The following SLIT3 variants were observed in gnomAD, a reference collection of about 807,000 sequenced individuals.
SLIT3 encodes the protein slit homolog 3 protein.
A neutral mutation model predicts 184.0 loss-of-function variants in SLIT3; 68 were observed. The observed-to-expected ratio is 0.37, with a 90% CI of 0.30 to 0.45. SLIT3 has a LOEUF of 0.45. Among genes scored for constraint, SLIT3 ranks in the 20% least tolerant of loss-of-function variants. SLIT3 has a pLI of 1.00. For missense variants in SLIT3, 1,707 were observed against 2,026.0 expected (o/e 0.84, Z 3.02); for synonymous variants, 831 against 828.6 (o/e 1.00, Z -0.05).
chr5:168,791,385 C>T (rs1192372391), intron 10 of SLIT3: 4 of 152,234 alleles, frequency 2.6e-5, no homozygotes, highest in Non-Finnish European at 4.4e-5. Flanking sequence ...TGAGATGCCC[C>T]ACGGTTTGGA....
intron 1 of SLIT3, among the ~76,000 whole-genome samples, chr5:169,267,797 G>A (rs183958654): frequency 2.0e-5 from 3 of 152,276 alleles, no homozygotes; most frequent in Admixed American, 1.3e-4. Context: ...TGTTCTTAAG[G>A]AGACCTTCTT....
At chr5:168,774,872 C>G (rs895016539) in intron 12 of SLIT3, among the ~76,000 whole-genome samples, 6 of 152,168 alleles carry the variant, frequency 3.9e-5, no homozygotes, top group East Asian at 1.9e-4. Flanking sequence ...AAAACTGCAT[C>G]TATGTGTAGG....
intron 5 of SLIT3, among the ~76,000 whole-genome samples, chr5:168,882,767 C>T (rs1041925845): frequency 7.9e-5 from 12 of 152,136 alleles, no homozygotes; most frequent in Non-Finnish European, 1.6e-4. Flanking sequence ...CTCCAACTTC[C>T]TGGGATGTAA....
intron 1 of SLIT3, among the ~76,000 whole-genome samples, chr5:169,273,875 C>A (rs1206283726): frequency 6.6e-6 from 1 of 152,136 alleles, no homozygotes; most frequent in African/African-American, 2.4e-5. Context: ...GCCTAAGAAT[C>A]TTCACATTGA....
At chr5:169,081,291 A>T (rs1434429235) in intron 4 of SLIT3, among the ~76,000 whole-genome samples, 6 of 152,168 alleles carry the variant, frequency 3.9e-5, no homozygotes, top group Admixed American at 3.9e-4. Flanking sequence ...GAGCCTGGGA[A>T]GAGGAGAGGA....
At chr5:168,905,082 C>T (rs1341739365) in intron 4 of SLIT3, among the ~76,000 whole-genome samples, 1 of 152,146 alleles carries the variant, frequency 6.6e-6, no homozygotes, top group Non-Finnish European at 1.5e-5. Context: ...GAGGCTGAGA[C>T]AGGCGAATTG....
intron 26 of SLIT3, among the ~76,000 whole-genome samples, chr5:168,704,056 C>T (rs1183612553): frequency 6.6e-6 from 1 of 151,002 alleles, no homozygotes; most frequent in African/African-American, 2.4e-5. Context: ...TCAAAGCGTG[C>T]TCCTTGGACT....
intron 4 of SLIT3, among the ~76,000 whole-genome samples, chr5:169,127,371 A>G (rs771647922): frequency 4.6e-5 from 7 of 152,212 alleles, no homozygotes; most frequent in Non-Finnish European, 1.0e-4. Flanking sequence ...TGCTAGGCCC[A>G]TGAGGCTCCA....
chr5:169,162,501 G>C (rs1762512131), intron 4 of SLIT3, among the ~76,000 whole-genome samples: 1 of 152,138 alleles, frequency 6.6e-6, no homozygotes, highest in Non-Finnish European at 1.5e-5. Flanking sequence ...AAAGTGCTGT[G>C]CCAGATGCCA....
chr5:169,000,253 A>T (rs1266077407), intron 4 of SLIT3, among the ~76,000 whole-genome samples: 1 of 151,922 alleles, frequency 6.6e-6, no homozygotes, highest in African/African-American at 2.4e-5. Flanking sequence ...TTAGCTGGGC[A>T]TGGTGGTGTG....
chr5:168,952,587 AGAC>A (rs1306973273), intron 4 of SLIT3, among the ~76,000 whole-genome samples: 14 of 147,128 alleles, frequency 9.5e-5, no homozygotes, highest in African/African-American at 2.6e-4. Context: ...AAAAAAAAAA[AGAC>A]AGAGAGGGAG....
chr5:169,134,585 C>G (rs1761427996), intron 4 of SLIT3, among the ~76,000 whole-genome samples: 1 of 152,130 alleles, frequency 6.6e-6, no homozygotes, highest in Non-Finnish European at 1.5e-5. Context: ...GAACATCACA[C>G]ACTGGGGCCT....
chr5:169,197,748 T>G (rs925823902), intron 3 of SLIT3, among the ~76,000 whole-genome samples: 4 of 152,090 alleles, frequency 2.6e-5, no homozygotes, highest in Non-Finnish European at 5.9e-5. Flanking sequence ...TTCCTAGGTA[T>G]TCCCTCTCCC....
chr5:168,935,590 G>A (rs1762134625), intron 4 of SLIT3, among the ~76,000 whole-genome samples: 1 of 152,176 alleles, frequency 6.6e-6, no homozygotes, highest in South Asian at 2.1e-4. Context: ...CCACACTGAT[G>A]AAATGATCCT....
chr5:168,795,440 C>A, intron 10 of SLIT3, 67 bp downstream of exon 10: 1 of 1,254,978 alleles, frequency 8.0e-7, no homozygotes, highest in East Asian at 2.3e-5. Flanking sequence ...AGGTTGCCCA[C>A]TACACATTGC....
At chr5:169,033,897 C>A (rs1033154428) in intron 4 of SLIT3, among the ~76,000 whole-genome samples, 1 of 150,736 alleles carries the variant, frequency 6.6e-6, no homozygotes, top group African/African-American at 2.4e-5. Context: ...ACTGCAACCT[C>A]CACCTCCCGG....
At chr5:168,697,416 C>T (rs547738777) in intron 27 of SLIT3, among the ~76,000 whole-genome samples, 5 of 152,140 alleles carry the variant, frequency 3.3e-5, no homozygotes, top group Non-Finnish European at 5.9e-5. Flanking sequence ...AAAGGCCATG[C>T]GGAAGGGATG....
chr5:168,834,082 G>A (rs763680585), intron 6 of SLIT3, among the ~76,000 whole-genome samples: 8 of 152,248 alleles, frequency 5.3e-5, no homozygotes, highest in East Asian at 1.9e-4. Flanking sequence ...AGGCAGGGCC[G>A]GCTCTTTTTC....
chr5:169,279,873 G>A (rs764168271), intron 1 of SLIT3, among the ~76,000 whole-genome samples: 2 of 152,148 alleles, frequency 1.3e-5, no homozygotes, highest in Non-Finnish European at 2.9e-5. Context: ...TCACAGAATG[G>A]TTGTAAGAAT....
Sources: allele counts gnomAD v4.1 joint callset (sites outside exome capture counted in the v4.1 genomes callset), GRCh38; gene constraint gnomAD v4.1.1; transcripts MANE v1.5; gene names NCBI Gene and HGNC (gene_info 2026-07-23, HGNC 2026-07-21).